ZNF737: variants seen among roughly 807,000 people sequenced by gnomAD.
The protein encoded by ZNF737 is zinc finger protein 737, also known as zinc finger protein 102 (Y3).
ZNF737 carries 13 observed loss-of-function variants against 11.7 expected under a neutral mutation model. The observed-to-expected ratio is 1.11, with a 90% CI of 0.73 to 1.77. The LOEUF (loss-of-function observed/expected upper bound fraction) is 1.77, where lower values mean the gene tolerates loss of function less well. Among genes scored for constraint, ZNF737 ranks in the 40% most tolerant of loss-of-function variants. The pLI is 0.00. For missense variants in ZNF737, 636 were observed against 638.0 expected (o/e 1.00, Z 0.03); for synonymous variants, 217 against 216.2 (o/e 1.00, Z -0.03).
At position 20,539,764 on chromosome 19, in the gene ZNF737, ATTACCCAC is replaced by A; in HGVS notation, c.*4820_*4827del. ...TTTGAAGTAAGTTCAATTTTAGGAC[ATTACCCAC>A]TGGTCTTCATGGCATTTCTGTAATA... On this transcript the variant is annotated 3_prime_UTR_variant, in exon 4 of 4. Coordinates refer to ENST00000427401, the MANE Select transcript of ZNF737 (RefSeq NM_001159293.2). The A allele has an allele frequency of 1.0e-6, 1 of 985,414 alleles. No homozygotes were observed. The highest frequency in any genetic ancestry group is 1.2e-6 in the Non-Finnish European group (1 of 829,920). 61.0% of individuals were successfully genotyped at this position (985,414 alleles called of 1,614,324 possible). A position where few individuals can be genotyped will look rare whatever the true frequency, so the allele number is the denominator to read the frequency against.
chr19:20,544,944 G>T lies in ZNF737; in HGVS notation c.1259C>A (p.Thr420Asn). Residue 420 changes from threonine to asparagine, a missense_variant, in exon 4 of 4, where the codon ACT (threonine) becomes AAT (asparagine). Physicochemically the swap from Thr to Asn is moderately conservative, Grantham distance 65. Coordinates refer to ENST00000427401, the MANE Select transcript of ZNF737 (RefSeq NM_001159293.2). ...SSLTTHKIIH[T>N]GQQPFKCEEC... ...TTCACACTTGAAGGGTTGCTGTCCA[G>T]TATGGATTATCTTATGTGTAGTAAG... 1.2e-6 allele frequency: 2 copies of T among 1,612,830 alleles called. No individual in the cohort carries two copies. The highest frequency in any genetic ancestry group is 1.7e-6 in the Non-Finnish European group (2 of 1,179,540).
chr19:20,539,679 T>C lies in ZNF737; in HGVS notation c.*4913A>G, dbSNP rs1555754692. The C allele has an allele frequency of 1.1e-6, 1 of 945,672 alleles. No individual in the cohort carries two copies. Among genetic ancestry groups the C allele is most frequent in the African/African-American group, 1.8e-5 (1 of 56,362 alleles). 58.6% of individuals were successfully genotyped at this position (945,672 alleles called of 1,614,324 possible). On this transcript the variant is annotated 3_prime_UTR_variant, in exon 4 of 4. Coordinates refer to ENST00000427401, the MANE Select transcript of ZNF737 (RefSeq NM_001159293.2). ...ATCCTCTATAATTAGAAGTTAATTA[T>C]TTATAAATTCATTGTTTTTAAGGTT...
rs556362617 is a variant in ZNF737 at position 20,553,792 on chromosome 19, T to C, written c.47A>G (p.Glu16Gly). 94 of 1,613,970 alleles carry C rather than the reference T, an allele frequency of 5.8e-5. 1 individual carries two copies. In the East Asian group the frequency reaches 1.7e-3, roughly 29 times the overall value. The change falls in exon 2 of 4, where the codon GAG becomes GGG. Residue 16 changes from glutamate to glycine, a missense_variant. By Grantham distance (98) the Glu-to-Gly change is moderately conservative. Coordinates refer to ENST00000427401, the MANE Select transcript of ZNF737 (RefSeq NM_001159293.2). ...FRDVAIEFSL[E>G]EWHCLDTAQR... is the part of the protein sequence containing the mutation. ...TGCAGTGTCCAGGCAATGCCACTCC[T>C]CCAGAGAGAATTCTATGGCCACGTC...
chr19:20,531,229 A>AGAGAGGG (rs1263647850), downstream of ZNF737, among the ~76,000 whole-genome samples: 2 of 37,328 alleles, frequency 5.4e-5, no homozygotes, highest in East Asian at 1.3e-3. Context: ...AAAGGGGAGG[A>AGAGAGGG]GAGAGGGGAG....
At chr19:20,548,979 A>ACC (rs1555757641) in intron 3 of ZNF737, among the ~76,000 whole-genome samples, 2 of 58,604 alleles carry the variant, frequency 3.4e-5, no homozygotes, top group East Asian at 1.2e-3. Flanking sequence ...AAAAAAAAAA[A>ACC]ACAATTATGT....
chr19:20,544,218 G>T lies in ZNF737; in HGVS notation c.*374C>A. The T allele has an allele frequency of 9.7e-7, 1 of 1,030,172 alleles. No homozygotes were observed. Among genetic ancestry groups the T allele is most frequent in the Non-Finnish European group, 1.2e-6 (1 of 858,348 alleles). 63.8% of individuals were successfully genotyped at this position (1,030,172 alleles called of 1,614,324 possible). ...GTCCAGCATGAATTATGTGTAAGAA[G>T]GGTTCAGAACTTCCTAAAAGCGTTG... On this transcript the variant is annotated 3_prime_UTR_variant, in exon 4 of 4. Coordinates refer to ENST00000427401, the MANE Select transcript of ZNF737 (RefSeq NM_001159293.2).
downstream of ZNF737, among the ~76,000 whole-genome samples, chr19:20,537,421 C>T (rs137978034): frequency 0.023 from 3,419 of 150,686 alleles, 138 homozygotes; most frequent in African/African-American, 0.079. Context: ...AGGCTGGTCT[C>T]GAACTCCAGA....
chr19:20,542,226 T>C lies in ZNF737; in HGVS notation c.*2366A>G. ...AATAAAATTAAGTTCACAAATAATC[T>C]AACAAACTTTTTTTTTTTTGAGACA... On this transcript the variant is annotated 3_prime_UTR_variant, in exon 4 of 4. Coordinates refer to ENST00000427401, the MANE Select transcript of ZNF737 (RefSeq NM_001159293.2). 6 of 972,800 alleles carry C rather than the reference T, an allele frequency of 6.2e-6. No homozygotes were observed. The highest frequency in any genetic ancestry group is 7.3e-6 in the Non-Finnish European group (6 of 821,002). The allele number at this position is 972,800 out of a possible 1,614,324, so 60.3% of individuals were successfully genotyped here. A position where few individuals can be genotyped will look rare whatever the true frequency, so the allele number is the denominator to read the frequency against.
At chr19:20,533,711 T>A (rs1482306463), downstream of ZNF737, among the ~76,000 whole-genome samples, 1 of 150,178 alleles carries the variant, frequency 6.7e-6, no homozygotes, top group Non-Finnish European at 1.5e-5. Flanking sequence ...AATAAGGCCC[T>A]GCATTTCTTT....
chr19:20,536,979 T>C (rs1555753992), downstream of ZNF737, among the ~76,000 whole-genome samples: 3 of 152,006 alleles, frequency 2.0e-5, no homozygotes, highest in Non-Finnish European at 4.4e-5. Flanking sequence ...GGCGGGTGCC[T>C]GTAGTCCCAG....
intron 1 of ZNF737, among the ~76,000 whole-genome samples, chr19:20,555,532 A>C (rs762568782): frequency 2.0e-5 from 3 of 152,216 alleles, no homozygotes; most frequent in African/African-American, 7.2e-5. Flanking sequence ...GAACACACTA[A>C]TGGAGCCTCA....
intron 1 of ZNF737, among the ~76,000 whole-genome samples, chr19:20,557,486 T>TAAAAAA (rs35068430): frequency 7.4e-6 from 1 of 135,982 alleles, no homozygotes; most frequent in African/African-American, 2.7e-5. Flanking sequence ...TAAGCTTACC[T>TAAAAAA]AAAAAAAAAA....
Position 20,553,688 on chromosome 19 carries a change from A to C in ZNF737, c.130+21T>G, listed in dbSNP as rs573273613. 42 of 1,607,052 alleles carry C rather than the reference A, an allele frequency of 2.6e-5. No individual in the cohort carries two copies. In the African/African-American group the frequency reaches 5.5e-4, roughly 21 times the overall value. On this transcript the variant is annotated intron_variant, in intron 2 of 3. Coordinates refer to ENST00000427401, the MANE Select transcript of ZNF737 (RefSeq NM_001159293.2). Reference sequence around the variant, plus strand: ...AAGTCTTTTGTGTATATTATGAATTATGTATTAAAGTTTTTCTCACCAAGG... The same window carrying C: ...AAGTCTTTTGTGTATATTATGAATTCTGTATTAAAGTTTTTCTCACCAAGG...
At chr19:20,536,065 C>T, downstream of ZNF737, 1 of 984,418 alleles carries the variant, frequency 1.0e-6, no homozygotes, top group Non-Finnish European at 1.2e-6. Flanking sequence ...ATCCGCTTCA[C>T]TTCCATTCAC....
At chr19:20,534,315 G>A (rs1555753397), downstream of ZNF737, among the ~76,000 whole-genome samples, 1 of 149,920 alleles carries the variant, frequency 6.7e-6, no homozygotes, top group Non-Finnish European at 1.5e-5. Flanking sequence ...GGTTGTGGGT[G>A]CCTGTAATAC....
rs1296282995 is a variant in ZNF737 at position 20,540,058 on chromosome 19, T to A, written c.*4534A>T. 1 of 985,298 alleles carries A rather than the reference T, an allele frequency of 1.0e-6. No homozygotes were observed. The highest frequency in any genetic ancestry group is 1.2e-6 in the Non-Finnish European group (1 of 829,938). The allele number at this position is 985,298 out of a possible 1,614,324, so 61.0% of individuals were successfully genotyped here. A position where few individuals can be genotyped will look rare whatever the true frequency, so the allele number is the denominator to read the frequency against. On this transcript the variant is annotated 3_prime_UTR_variant, in exon 4 of 4. Transcript: ENST00000427401. ...TTTCTTGAATGAATGAGATTCCCTT[T>A]TTTTTCCCTCTGCCATAGAATCCTC...
Position 20,545,916 on chromosome 19 carries a change from T to C in ZNF737, c.287A>G (p.Gln96Arg), listed in dbSNP as rs899133930. ...TTCATATCTTCTCAGTGTCACTTTT[T>C]GGAAAGAATCTTTTATGCTCTGCTC... is the stretch of plus-strand genomic sequence containing the variant. ...WPEQSIKDSFQKVTLRRYENY... is the reference protein window; with the variant it reads ...WPEQSIKDSFRKVTLRRYENY... The change falls in exon 4 of 4, where the codon CAA becomes CGA. Residue 96 changes from glutamine to arginine, a missense_variant. By Grantham distance (43) the Gln-to-Arg change is conservative. Transcript: ENST00000427401. The C allele has an allele frequency of 1.9e-6, 3 of 1,596,240 alleles. No homozygotes were observed. The highest frequency in any genetic ancestry group is 3.6e-5 in the Admixed American group (2 of 55,560).
intron 3 of ZNF737, among the ~76,000 whole-genome samples, chr19:20,551,872 T>C (rs1345511868): frequency 1.3e-5 from 2 of 150,658 alleles, no homozygotes; most frequent in African/African-American, 4.9e-5. Context: ...ATAAACGTCC[T>C]GTCAAAATTG....
In ZNF737 at chr19:20,538,768, A is replaced by C; in HGVS notation, c.*5824T>G. On this transcript the variant is annotated 3_prime_UTR_variant, in exon 4 of 4. Coordinates refer to ENST00000427401, the MANE Select transcript of ZNF737 (RefSeq NM_001159293.2). ...TTCCACATGCACCCAATAGAGTCTT[A>C]ATTTAATTGGGCTGTTATTTGCATA... is the stretch of plus-strand genomic sequence containing the variant. 1.0e-6 allele frequency: 1 copy of C among 985,406 alleles called. No individual in the cohort carries two copies. Among genetic ancestry groups the C allele is most frequent in the Non-Finnish European group, 1.2e-6 (1 of 829,912 alleles). 61.0% of individuals were successfully genotyped at this position (985,406 alleles called of 1,614,324 possible). A position where few individuals can be genotyped will look rare whatever the true frequency, so the allele number is the denominator to read the frequency against.
Sources: gnomAD v4.1 joint callset for allele counts (sites outside exome capture counted in the v4.1 genomes callset) on GRCh38, gnomAD v4.1.1 for gene constraint, MANE v1.5 for transcripts, NCBI Gene and HGNC (gene_info 2026-07-23, HGNC 2026-07-21) for gene names.